Variants in ANXA10 observed in about 807,000 individuals in gnomAD.
The protein encoded by ANXA10 is annexin A10, also known as annexin 14.
In ANXA10, 49 loss-of-function variants were observed where a neutral mutation model predicts 53.5. The ratio of observed to expected loss-of-function variants is 0.92; its 90% confidence interval spans 0.73 to 1.16. The LOEUF is 1.16. Among genes scored for constraint, ANXA10 ranks in the 50% most tolerant of loss-of-function variants. ANXA10 has a pLI of 0.00. For missense variants in ANXA10, 393 were observed against 394.4 expected (o/e 1.00, Z 0.03); for synonymous variants, 131 against 128.9 (o/e 1.02, Z -0.11).
chr4:168,134,857 T>C (rs1731211806), intron 2 of ANXA10, among the ~76,000 whole-genome samples: 1 of 152,224 alleles, frequency 6.6e-6, no homozygotes, highest in Non-Finnish European at 1.5e-5. Flanking sequence ...TACAGTCATC[T>C]ATGTTAATTC....
chr4:168,171,215 G>A (rs1411289309), intron 6 of ANXA10, among the ~76,000 whole-genome samples: 1 of 152,204 alleles, frequency 6.6e-6, no homozygotes, highest in Admixed American at 6.5e-5. Flanking sequence ...AAAGGGAGGT[G>A]AAATTTGGAG....
chr4:168,161,206 G>C (rs1392804739), intron 3 of ANXA10, among the ~76,000 whole-genome samples: 1 of 152,094 alleles, frequency 6.6e-6, no homozygotes, highest in Admixed American at 6.6e-5. Flanking sequence ...TTACATTTAA[G>C]TCTTTAATTC....
At position 168,096,911 on chromosome 4, in the gene ANXA10, C is replaced by CATATATATATATATATATATGTATGTAT. The variant is rs35451323; in HGVS notation, c.18+4211_18+4212insATGTATGTATATATATATATATATATAT. Reference sequence around the variant, plus strand: ...TTTGTATCCATTACTAATACAAATGCATATATATATATATATATGTATGTA... The same window carrying CATATATATATATATATATATGTATGTAT: ...TTTGTATCCATTACTAATACAAATGCATATATATATATATATATATGTATGTATATATATATATATATATATGTATGTA... On this transcript the variant is annotated intron_variant, in intron 1 of 11. Transcript: ENST00000359299. Among the ~76,000 whole-genome samples, 5 of 109,670 alleles carry CATATATATATATATATATATGTATGTAT rather than the reference C, an allele frequency of 4.6e-5. 1 individual carries two copies. Among genetic ancestry groups the CATATATATATATATATATATGTATGTAT allele is most frequent in the African/African-American group, 2.5e-4 (5 of 19,662 alleles). 71.9% of individuals were successfully genotyped at this position (109,670 alleles called of 152,430 possible). A position where few individuals can be genotyped will look rare whatever the true frequency, so the allele number is the denominator to read the frequency against.
At chr4:168,172,610 T>TA (rs1377623535) in intron 6 of ANXA10, among the ~76,000 whole-genome samples, 1 of 152,160 alleles carries the variant, frequency 6.6e-6, no homozygotes, top group African/African-American at 2.4e-5. Context: ...ACAGAAGAGA[T>TA]AAAGATCCCA....
intron 3 of ANXA10, among the ~76,000 whole-genome samples, chr4:168,158,168 C>G (rs527570663): frequency 1.4e-4 from 21 of 152,292 alleles, no homozygotes; most frequent in Non-Finnish European, 2.2e-4. Flanking sequence ...GTTCTAATTT[C>G]CATTAGTGTC....
At chr4:168,149,952 G>A (rs1196580388) in intron 3 of ANXA10, among the ~76,000 whole-genome samples, 2 of 152,144 alleles carry the variant, frequency 1.3e-5, no homozygotes, top group Non-Finnish European at 2.9e-5. Flanking sequence ...TTGATTCCCT[G>A]TGTTACATTG....
intron 3 of ANXA10, among the ~76,000 whole-genome samples, chr4:168,160,118 A>T (rs1332576444): frequency 1.3e-5 from 2 of 152,094 alleles, no homozygotes; most frequent in African/African-American, 2.4e-5. Context: ...TCACAGGTAA[A>T]CATGTGCCAT....
At chr4:168,138,404 A>G (rs1188674336) in intron 2 of ANXA10, among the ~76,000 whole-genome samples, 5 of 152,126 alleles carry the variant, frequency 3.3e-5, no homozygotes, top group Admixed American at 3.3e-4. Flanking sequence ...TGGAAAAAAA[A>G]AAGTCTGTTC....
At chr4:168,147,524 G>C (rs1317777918) in intron 3 of ANXA10, among the ~76,000 whole-genome samples, 1 of 152,196 alleles carries the variant, frequency 6.6e-6, no homozygotes, top group Non-Finnish European at 1.5e-5. Context: ...TACATATGCT[G>C]TTTTCCTGTG....
chr4:168,135,551 G>A (rs1731222714), intron 2 of ANXA10, among the ~76,000 whole-genome samples: 1 of 152,168 alleles, frequency 6.6e-6, no homozygotes, highest in African/African-American at 2.4e-5. Context: ...ATGTCATATT[G>A]CTGACTCTAC....
At position 168,114,429 on chromosome 4, in the gene ANXA10, T is replaced by A. The variant is rs201316198; in HGVS notation, c.19-13655T>A. Reference sequence around the variant, plus strand: ...AAAGATTAACAATTATCTTACTCATTTGAAACTCTATGTTTTCATGTCATT... The same window carrying A: ...AAAGATTAACAATTATCTTACTCATATGAAACTCTATGTTTTCATGTCATT... On this transcript the variant is annotated intron_variant, in intron 1 of 11. Coordinates refer to ENST00000359299, the MANE Select transcript of ANXA10 (RefSeq NM_007193.5). Among the ~76,000 whole-genome samples the A allele has an allele frequency of 1.9e-4, 29 of 152,330 alleles. No individual in the cohort carries two copies. The East Asian group carries it at 4.2e-3, about 22-fold the overall frequency.
At chr4:168,154,888 T>G (rs2149475013) in intron 3 of ANXA10, among the ~76,000 whole-genome samples, 1 of 152,314 alleles carries the variant, frequency 6.6e-6, no homozygotes, top group African/African-American at 2.4e-5. Flanking sequence ...TGACAAATAT[T>G]AAGTATTCAG....
chr4:168,122,239 TA>T (rs1205051075), intron 1 of ANXA10, among the ~76,000 whole-genome samples: 2 of 152,212 alleles, frequency 1.3e-5, no homozygotes, highest in East Asian at 3.9e-4. Context: ...AGTGGTGTCT[TA>T]ATATTGTTTC....
intron 3 of ANXA10, among the ~76,000 whole-genome samples, chr4:168,148,386 T>C (rs1030328272): frequency 2.6e-5 from 4 of 152,090 alleles, no homozygotes; most frequent in South Asian, 2.1e-4. Flanking sequence ...AGGCTGGTCT[T>C]GAATTCCTGA....
At chr4:168,135,625 G>A (rs561897597) in intron 2 of ANXA10, among the ~76,000 whole-genome samples, 105 of 152,226 alleles carry the variant, frequency 6.9e-4, no homozygotes, top group African/African-American at 2.5e-3. Flanking sequence ...TGGTGTGTTG[G>A]CACATGAGGA....
At chr4:168,152,723 A>T (rs1394515271) in intron 3 of ANXA10, among the ~76,000 whole-genome samples, 1 of 150,108 alleles carries the variant, frequency 6.7e-6, no homozygotes, top group Admixed American at 6.7e-5. Context: ...ACATATATAT[A>T]TATGTATCGC....
intron 1 of ANXA10, among the ~76,000 whole-genome samples, chr4:168,099,227 T>C (rs966350425): frequency 4.6e-5 from 7 of 152,160 alleles, no homozygotes; most frequent in African/African-American, 1.7e-4. Context: ...CTTCTTGAAT[T>C]ATTGTTCAAC....
intron 3 of ANXA10, among the ~76,000 whole-genome samples, chr4:168,161,873 G>A (rs1296654286): frequency 6.6e-6 from 1 of 151,978 alleles, no homozygotes; most frequent in African/African-American, 2.4e-5. Flanking sequence ...TTGCCTGTTT[G>A]TTGTTGTATA....
intron 5 of ANXA10, 85 bp from the exon 6 acceptor site, chr4:168,165,162 A>G: frequency 1.2e-6 from 1 of 834,688 alleles, no homozygotes. Flanking sequence ...TGTACTCACA[A>G]CTGGGAAATA....
Sources: allele counts gnomAD v4.1 joint callset (sites outside exome capture counted in the v4.1 genomes callset), GRCh38; gene constraint gnomAD v4.1.1; transcripts MANE v1.5; gene names NCBI Gene and HGNC (gene_info 2026-07-23, HGNC 2026-07-21).